NBAS: variants seen among roughly 807,000 people sequenced by gnomAD.
The protein encoded by NBAS is NBAS subunit of NRZ tethering complex.
A neutral mutation model predicts 302.5 loss-of-function variants in NBAS; 219 were observed. That is an observed-to-expected ratio of 0.72 (90% CI 0.65 to 0.81). The LOEUF (loss-of-function observed/expected upper bound fraction) is 0.81. NBAS is among the 30% of genes least tolerant of loss of function. The pLI, the probability that NBAS is intolerant of heterozygous loss-of-function variation, is 0.00. For synonymous variants in NBAS, 1,118 were observed against 1,021.6 expected (o/e 1.09, Z -1.80); for missense variants, 2,932 against 2,841.6 (o/e 1.03, Z -0.72).
chr2:14,944,736 G>GA, the NBAS span, among the ~76,000 whole-genome samples: 417 of 141,170 alleles, frequency 3.0e-3, 1 homozygote, highest in African/African-American at 6.1e-3. Flanking sequence ...AAAAGTGAAA[G>GA]AAAAAAAAAA....
the NBAS span, among the ~76,000 whole-genome samples, chr2:15,029,315 G>T: frequency 3.9e-5 from 6 of 152,300 alleles, no homozygotes; most frequent in African/African-American, 1.4e-4. Context: ...TCTCAAAAGT[G>T]AGACTATTCT....
At chr2:14,908,799 T>G in the NBAS span, among the ~76,000 whole-genome samples, 1 of 152,144 alleles carries the variant, frequency 6.6e-6, no homozygotes, top group Admixed American at 6.5e-5. Context: ...CCCAGACCAC[T>G]GTCCCTCTCA....
chr2:15,309,114 C>T, intron 39 of NBAS, 57 bp downstream of exon 39: 4 of 1,400,856 alleles, frequency 2.9e-6, no homozygotes, highest in South Asian at 1.2e-5. Flanking sequence ...TGAAAATTCA[C>T]AGCATACATT....
chr2:15,369,756 T>G (rs186707774), intron 31 of NBAS, among the ~76,000 whole-genome samples: 24 of 152,350 alleles, frequency 1.6e-4, no homozygotes, highest in African/African-American at 5.8e-4. Flanking sequence ...CTAATTTTCC[T>G]GCAGAAATCA....
At position 15,467,775 on chromosome 2, in the gene NBAS, T is replaced by C; in HGVS notation, c.1907A>G (p.Asp636Gly). ...RFTLPGEIDI[D>G]SISYEELSPP... ...TGAAAGCTCTTCATAGGAGATACTG[T>C]CAATGTCTATTTCACCAGGTAATGT... is the stretch of plus-strand genomic sequence containing the variant. The change falls in exon 18 of 52, where the codon GAC becomes GGC. Residue 636 changes from aspartate (D) to glycine (G), a missense_variant. Asp to Gly is a moderately conservative substitution (Grantham distance 94, BLOSUM62 -1). Coordinates refer to ENST00000281513, the MANE Select transcript of NBAS (RefSeq NM_015909.4). 6.3e-7 allele frequency: 1 copy of C among 1,593,600 alleles called. No homozygotes were observed. The highest frequency in any genetic ancestry group is 8.6e-7 in the Non-Finnish European group (1 of 1,161,760).
At chr2:15,503,427 G>A (rs1360155156) in intron 11 of NBAS, among the ~76,000 whole-genome samples, 1 of 152,186 alleles carries the variant, frequency 6.6e-6, no homozygotes, top group East Asian at 1.9e-4. Context: ...TACAGGGAAA[G>A]AAACTGAAGC....
intron 40 of NBAS, among the ~76,000 whole-genome samples, chr2:15,305,742 TG>T (rs1671008399): frequency 6.6e-6 from 1 of 152,168 alleles, no homozygotes; most frequent in Non-Finnish European, 1.5e-5. Flanking sequence ...CCACTGCACC[TG>T]GCCTGGGAAG....
rs113950143 is a variant in NBAS, at chr2:15,412,461, G to A, written c.2937+3085C>T. Among the ~76,000 whole-genome samples the A allele has an allele frequency of 9.7e-3, 1,479 of 152,240 alleles. 19 individuals carry two copies. The highest frequency in any genetic ancestry group is 0.034 in the African/African-American group (1,399 of 41,552). On this transcript the variant is annotated intron_variant, in intron 25 of 51. Coordinates refer to ENST00000281513, the MANE Select transcript of NBAS (RefSeq NM_015909.4). ...TGACACTTGTGAGAAATAAATGTTC[G>A]CAGTCGTAAGCTACTAAGATATAGA...
chr2:15,362,403 G>A (rs1160290727), intron 32 of NBAS, among the ~76,000 whole-genome samples: 1 of 152,084 alleles, frequency 6.6e-6, no homozygotes, highest in Non-Finnish European at 1.5e-5. Context: ...AGCTAGTCAG[G>A]AGGCTGAGGC....
At chr2:14,850,129 C>T in the NBAS span, among the ~76,000 whole-genome samples, 6 of 135,130 alleles carry the variant, frequency 4.4e-5, no homozygotes, top group Non-Finnish European at 9.1e-5. Context: ...AAGGCACAGA[C>T]TGGCAAATTG....
intron 47 of NBAS, among the ~76,000 whole-genome samples, chr2:15,228,858 A>G (rs1447558655): frequency 2.0e-5 from 3 of 152,212 alleles, no homozygotes; most frequent in Non-Finnish European, 4.4e-5. Context: ...GTCAATAGGC[A>G]CAAAGTTACA....
chr2:14,948,698 G>A, the NBAS span, among the ~76,000 whole-genome samples: 18 of 150,908 alleles, frequency 1.2e-4, no homozygotes, highest in East Asian at 7.8e-4. Flanking sequence ...TGCAATCCTC[G>A]TCAAAATACC....
At chr2:15,524,955 T>G (rs1662850746) in intron 9 of NBAS, among the ~76,000 whole-genome samples, 1 of 152,194 alleles carries the variant, frequency 6.6e-6, no homozygotes. Context: ...CCACAGCTGA[T>G]GCTAAAGAAC....
At chr2:14,798,028 T>C in the NBAS span, among the ~76,000 whole-genome samples, 1 of 152,234 alleles carries the variant, frequency 6.6e-6, no homozygotes, top group Non-Finnish European at 1.5e-5. Context: ...CAGAGGTGAT[T>C]ATGTCATCTG....
intron 21 of NBAS, among the ~76,000 whole-genome samples, chr2:15,445,079 C>T (rs1326582354): frequency 5.9e-5 from 9 of 151,800 alleles, no homozygotes; most frequent in East Asian, 5.8e-4. Context: ...AGTTCAACCA[C>T]TGTGGAAGTC....
intron 40 of NBAS, among the ~76,000 whole-genome samples, chr2:15,300,828 C>T (rs1441765659): frequency 2.0e-5 from 3 of 152,166 alleles, no homozygotes; most frequent in African/African-American, 7.2e-5. Flanking sequence ...AGAGGAGGCG[C>T]CTCTGAGCTC....
At chr2:15,112,341 A>T in the NBAS span, among the ~76,000 whole-genome samples, 30 of 152,244 alleles carry the variant, frequency 2.0e-4, no homozygotes, top group African/African-American at 7.2e-4. Flanking sequence ...TTTAAGAGAA[A>T]AATAAAATTA....
intron 51 of NBAS, among the ~76,000 whole-genome samples, chr2:15,172,038 CA>C (rs958428345): frequency 5.9e-5 from 9 of 152,140 alleles, no homozygotes. Context: ...GTATCTGAAA[CA>C]TTTTTTTGGT....
At chr2:15,314,041 C>T (rs1243474250) in intron 38 of NBAS, among the ~76,000 whole-genome samples, 2 of 152,052 alleles carry the variant, frequency 1.3e-5, no homozygotes, top group Non-Finnish European at 2.9e-5. Context: ...ACTGTAAACT[C>T]TAGATAAAAT....
Sources: allele counts gnomAD v4.1 joint callset (sites outside exome capture counted in the v4.1 genomes callset), GRCh38; gene constraint gnomAD v4.1.1; transcripts MANE v1.5; gene names NCBI Gene and HGNC (gene_info 2026-07-23, HGNC 2026-07-21).